ARHGAP18: variants seen among roughly 807,000 people sequenced by gnomAD.
The protein encoded by ARHGAP18 is Rho GTPase activating protein 18.
A neutral mutation model predicts 86.2 loss-of-function variants in ARHGAP18; 67 were observed. That is an observed-to-expected ratio of 0.78 (90% CI 0.64 to 0.95). The LOEUF (loss-of-function observed/expected upper bound fraction) is 0.95, where lower values mean the gene tolerates loss of function less well. ARHGAP18 is among the 40% of genes least tolerant of loss of function. The pLI is 0.00. For missense variants in ARHGAP18, 691 were observed against 780.4 expected (o/e 0.89, Z 1.37); for synonymous variants, 283 against 280.4 (o/e 1.01, Z -0.09).
chr6:129,700,630 A>G (rs1407776525), intron 1 of ARHGAP18, among the ~76,000 whole-genome samples: 1 of 152,218 alleles, frequency 6.6e-6, no homozygotes, highest in Non-Finnish European at 1.5e-5. Context: ...TAATTCACCA[A>G]CAGGTAACAG....
intron 5 of ARHGAP18, 74 bp downstream of exon 5, chr6:129,629,279 G>A: frequency 1.6e-6 from 2 of 1,244,452 alleles, no homozygotes; most frequent in Non-Finnish European, 1.1e-6. Context: ...GTGCGTGTGT[G>A]TGTATGTATA....
intron 7 of ARHGAP18, 81 bp downstream of exon 7, chr6:129,616,131 T>C (rs928786532): frequency 1.1e-4 from 118 of 1,116,458 alleles, no homozygotes; most frequent in Non-Finnish European, 1.3e-4. Context: ...ATTGGAAAAC[T>C]GTATTATAAT....
In ARHGAP18 at chr6:129,578,348, T is replaced by G. The variant is rs1298496215; in HGVS notation, c.*165A>C. 3.0e-6 allele frequency: 1 copy of G among 336,400 alleles called. No homozygotes were observed. Among genetic ancestry groups the G allele is most frequent in the East Asian group, 4.9e-5 (1 of 20,556 alleles). 20.8% of individuals were successfully genotyped at this position (336,400 alleles called of 1,614,324 possible). On this transcript the variant is annotated 3_prime_UTR_variant, in exon 15 of 15. Coordinates refer to ENST00000368149, the MANE Select transcript of ARHGAP18 (RefSeq NM_033515.3). The stretch of plus-strand genomic sequence containing the variant: ...ACATTAATAATAATTAATATAATTC[T>G]GGCAGCAGCACAAATCTATGACTTT...
chr6:129,626,867 A>G (rs1250738949), intron 5 of ARHGAP18, among the ~76,000 whole-genome samples: 1 of 152,120 alleles, frequency 6.6e-6, no homozygotes. Context: ...GAGAACTACA[A>G]TTCACAGCAT....
intron 1 of ARHGAP18, among the ~76,000 whole-genome samples, chr6:129,671,456 TG>T (rs1264198894): frequency 6.6e-6 from 1 of 152,130 alleles, no homozygotes; most frequent in Admixed American, 6.5e-5. Flanking sequence ...CTCAGTGCTT[TG>T]GGAGGCTAAA....
At chr6:129,600,313 A>T (rs1263516153) in intron 11 of ARHGAP18, among the ~76,000 whole-genome samples, 2 of 152,204 alleles carry the variant, frequency 1.3e-5, no homozygotes, top group Non-Finnish European at 2.9e-5. Context: ...TAATAAGGGT[A>T]CAAAATGCAT....
intron 13 of ARHGAP18, among the ~76,000 whole-genome samples, chr6:129,580,418 G>C (rs1186524365): frequency 6.6e-6 from 1 of 152,114 alleles, no homozygotes; most frequent in Non-Finnish European, 1.5e-5. Flanking sequence ...TAACATTTCC[G>C]CTGCCAATCA....
chr6:129,694,309 G>A (rs1001695653), intron 1 of ARHGAP18, among the ~76,000 whole-genome samples: 1 of 152,212 alleles, frequency 6.6e-6, no homozygotes, highest in Non-Finnish European at 1.5e-5. Flanking sequence ...TCTCAGCCGT[G>A]CCAATAGCAG....
At chr6:129,661,907 G>A in intron 1 of ARHGAP18, 1 of 985,258 alleles carries the variant, frequency 1.0e-6, no homozygotes, top group Non-Finnish European at 1.2e-6. Context: ...CTGGTTTCAA[G>A]TCCACCAAGC....
At chr6:129,603,524 A>AC (rs1788791903) in intron 10 of ARHGAP18, among the ~76,000 whole-genome samples, 1 of 152,146 alleles carries the variant, frequency 6.6e-6, no homozygotes, top group Admixed American at 6.5e-5. Context: ...ACAATTACTT[A>AC]GTAGCTGGGT....
At chr6:129,653,815 CATTTGAAGAAAAAAAAAAA>C (rs1773767235) in intron 1 of ARHGAP18, among the ~76,000 whole-genome samples, 1 of 139,270 alleles carries the variant, frequency 7.2e-6, no homozygotes, top group Non-Finnish European at 1.6e-5. Flanking sequence ...TTAACCTTAA[CATTTGAAGAAAAAAAAAAA>C]ATCCGACTCA....
At chr6:129,580,019 T>C (rs1351728015) in intron 14 of ARHGAP18, 51 bp downstream of exon 14, 6 of 1,428,252 alleles carry the variant, frequency 4.2e-6, no homozygotes, top group African/African-American at 1.4e-5. Flanking sequence ...TAATAACCAC[T>C]GGCAATATCA....
chr6:129,588,957 G>A (rs1002861638), intron 12 of ARHGAP18, among the ~76,000 whole-genome samples: 1 of 152,188 alleles, frequency 6.6e-6, no homozygotes, highest in Non-Finnish European at 1.5e-5. Context: ...TTTTAGCCAT[G>A]GCTGGAGCTG....
At chr6:129,598,509 G>A (rs1788665942) in intron 12 of ARHGAP18, among the ~76,000 whole-genome samples, 1 of 152,130 alleles carries the variant, frequency 6.6e-6, no homozygotes, top group Non-Finnish European at 1.5e-5. Flanking sequence ...TAGAACAATA[G>A]AAACCCTTTC....
chr6:129,699,216 C>A (rs1311777460), intron 1 of ARHGAP18, among the ~76,000 whole-genome samples: 1 of 152,196 alleles, frequency 6.6e-6, no homozygotes, highest in Non-Finnish European at 1.5e-5. Context: ...GAATGTATGT[C>A]ATTTTCCACC....
At position 129,658,540 on chromosome 6, in the gene ARHGAP18, T is replaced by C. The variant is rs1418269163; in HGVS notation, c.114-16522A>G. On this transcript the variant is annotated intron_variant, in intron 1 of 14. Transcript: ENST00000368149. ...TATAATTTTAAATCAGCAAAATTAG[T>C]GAGAAACTGTGTGGACATCAGGGTT... Among the ~76,000 whole-genome samples, 7 of 152,132 alleles carry C rather than the reference T, an allele frequency of 4.6e-5. No individual in the cohort carries two copies. The East Asian group carries it at 1.3e-3, about 29-fold the overall frequency.
chr6:129,605,591 A>C (rs966032078), intron 10 of ARHGAP18, among the ~76,000 whole-genome samples: 28 of 152,180 alleles, frequency 1.8e-4, no homozygotes, highest in Admixed American at 6.5e-5. Context: ...GAGAAAAAAA[A>C]CAAAAAACCA....
At chr6:129,700,468 GT>G (rs1222164868) in intron 1 of ARHGAP18, among the ~76,000 whole-genome samples, 2 of 152,176 alleles carry the variant, frequency 1.3e-5, no homozygotes, top group Non-Finnish European at 2.9e-5. Context: ...ATTAAATGTA[GT>G]ATTGAAATAA....
chr6:129,698,014 C>T (rs1469894846), intron 1 of ARHGAP18, among the ~76,000 whole-genome samples: 1 of 152,176 alleles, frequency 6.6e-6, no homozygotes, highest in African/African-American at 2.4e-5. Context: ...CAGTTACCAA[C>T]TTACCTTTTC....
Sources: allele counts gnomAD v4.1 joint callset (sites outside exome capture counted in the v4.1 genomes callset), GRCh38; gene constraint gnomAD v4.1.1; transcripts MANE v1.5; gene names NCBI Gene and HGNC (gene_info 2026-07-23, HGNC 2026-07-21).